ARHGAP8: variants seen among roughly 807,000 people sequenced by gnomAD.
The protein encoded by ARHGAP8 is rho GTPase-activating protein 8.
Under a neutral mutation model 46.1 loss-of-function variants are expected in ARHGAP8, and 62 were observed. The ratio of observed to expected loss-of-function variants is 1.34; its 90% CI spans 1.10 to 1.66. ARHGAP8 has a LOEUF of 1.66. ARHGAP8 is among the 40% of genes most tolerant of loss of function. ARHGAP8 has a pLI of 0.00. For missense variants in ARHGAP8, 923 were observed against 568.4 expected (o/e 1.62, Z -6.34); for synonymous variants, 375 against 243.1 (o/e 1.54, Z -5.05).
At chr22:44,858,551 TA>T (rs1387650150) in intron 10 of ARHGAP8, among the ~76,000 whole-genome samples, 1,929 of 117,952 alleles carry the variant, frequency 0.016, 64 homozygotes, top group South Asian at 0.041. Context: ...TTTTTTTTTT[TA>T]AGTAACAGGG....
At chr22:44,805,563 C>T (rs1928866393) in intron 3 of ARHGAP8, among the ~76,000 whole-genome samples, 1 of 147,312 alleles carries the variant, frequency 6.8e-6, no homozygotes, top group Admixed American at 6.8e-5. Context: ...AAGTAGTAAG[C>T]ATGGCTTCCA....
At chr22:44,859,960 C>G in intron 11 of ARHGAP8, 126 bp downstream of exon 11, 1 of 1,117,870 alleles carries the variant, frequency 8.9e-7, no homozygotes, top group Non-Finnish European at 1.3e-6. Flanking sequence ...CTCGGAATAC[C>G]ACTCCCTGCC....
intron 7 of ARHGAP8, among the ~76,000 whole-genome samples, chr22:44,835,557 G>T (rs977234413): frequency 4.6e-5 from 7 of 152,154 alleles, no homozygotes; most frequent in Admixed American, 3.9e-4. Context: ...GGAGGCGGAG[G>T]TTGCAGTGAG....
At chr22:44,832,456 C>T (rs1931013639) in intron 7 of ARHGAP8, among the ~76,000 whole-genome samples, 1 of 151,974 alleles carries the variant, frequency 6.6e-6, no homozygotes, top group African/African-American at 2.4e-5. Flanking sequence ...AAACTCCTGA[C>T]CTCTGGTGAT....
chr22:44,859,465 G>C (rs1461632118), intron 10 of ARHGAP8, among the ~76,000 whole-genome samples: 1 of 152,156 alleles, frequency 6.6e-6, no homozygotes, highest in African/African-American at 2.4e-5. Flanking sequence ...AACAGGTGCT[G>C]GTGCCATGCT....
chr22:44,859,554 C>G (rs1220664818), intron 10 of ARHGAP8, 177 bp from the exon 11 acceptor site: 1 of 634,496 alleles, frequency 1.6e-6, no homozygotes, highest in Non-Finnish European at 2.8e-6. Context: ...TAGCCAAACA[C>G]ACAGGTTTGC....
chr22:44,814,664 C>T lies in ARHGAP8; in HGVS notation c.300-8C>T. On this transcript the variant is annotated splice_region_variant and splice_polypyrimidine_tract_variant and intron_variant, in intron 4 of 11. Coordinates refer to ENST00000356099, the MANE Select transcript of ARHGAP8 (RefSeq NM_181335.3). Reference sequence around the variant, plus strand: ...CAGCCTGAAGTCATCCCCCGTTTCCCTCCTCAGGTACAAGAAGAACTTGAA... The same window carrying T: ...CAGCCTGAAGTCATCCCCCGTTTCCTTCCTCAGGTACAAGAAGAACTTGAA... 6.2e-7 allele frequency: 1 copy of T among 1,612,978 alleles called. No individual in the cohort carries two copies. The highest frequency in any genetic ancestry group is 2.2e-5 in the East Asian group (1 of 44,870).
intron 1 of ARHGAP8, among the ~76,000 whole-genome samples, chr22:44,772,356 T>TTTC (rs1475550719): frequency 1.4e-5 from 2 of 145,666 alleles, no homozygotes; most frequent in African/African-American, 5.0e-5. Flanking sequence ...TTTTTTCTTT[T>TTTC]TTTTTTTTTT....
chr22:44,758,179 G>A (rs1022582483), intron 1 of ARHGAP8, among the ~76,000 whole-genome samples: 29 of 152,162 alleles, frequency 1.9e-4, no homozygotes, highest in Non-Finnish European at 4.0e-4. Context: ...GGCCGGGCAC[G>A]GTGGCTCACA....
chr22:44,836,296 G>A (rs1931282838), intron 7 of ARHGAP8, among the ~76,000 whole-genome samples: 1 of 151,634 alleles, frequency 6.6e-6, no homozygotes, highest in Admixed American at 6.6e-5. Flanking sequence ...AAACTCCTGG[G>A]GCCAACTAAT....
At chr22:44,768,840 CT>C (rs780509950) in intron 1 of ARHGAP8, among the ~76,000 whole-genome samples, 266 of 137,522 alleles carry the variant, frequency 1.9e-3, no homozygotes, top group Middle Eastern at 7.6e-3. Context: ...GTGTGTTTTT[CT>C]TTTTTTTTTT....
Position 44,862,573 on chromosome 22 carries a change from T to C in ARHGAP8, c.1280T>C (p.Met427Thr). Reference sequence around the variant, plus strand: ...CCTACCCTACCTCCGAGTCCCCTGATGGCAGCCAGAAGACGTCTCTAGTGT... The same window carrying C: ...CCTACCCTACCTCCGAGTCCCCTGACGGCAGCCAGAAGACGTCTCTAGTGT... ...TKPTLPPSPL[M>T]AARRRL Residue 427 changes from methionine (M) to threonine (T), a missense_variant, in exon 12 of 12, where the codon ATG becomes ACG. By Grantham distance (81) the Met-to-Thr change is moderately conservative. Coordinates refer to ENST00000356099, the MANE Select transcript of ARHGAP8 (RefSeq NM_181335.3). 3.1e-6 allele frequency: 5 copies of C among 1,590,908 alleles called. No homozygotes were observed. Among genetic ancestry groups the C allele is most frequent in the Non-Finnish European group, 3.4e-6 (4 of 1,163,386 alleles).
At chr22:44,784,768 GC>G (rs1365897355) in intron 1 of ARHGAP8, among the ~76,000 whole-genome samples, 1 of 152,212 alleles carries the variant, frequency 6.6e-6, no homozygotes, top group African/African-American at 2.4e-5. Flanking sequence ...TCACTGGGAG[GC>G]CTCTGTTCTG....
chr22:44,775,622 GTAT>G (rs1321759909), intron 1 of ARHGAP8, among the ~76,000 whole-genome samples: 3 of 151,910 alleles, frequency 2.0e-5, no homozygotes, highest in African/African-American at 4.8e-5. Context: ...TAATTTTTTT[GTAT>G]TATTAGTAGA....
intron 10 of ARHGAP8, among the ~76,000 whole-genome samples, chr22:44,858,910 TTTGTGGGCC>T (rs1268315524): frequency 2.6e-5 from 4 of 151,606 alleles, no homozygotes; most frequent in African/African-American, 9.7e-5. Flanking sequence ...TATGTTAGGC[TTTGTGGGCC>T]TTGTAGTCTC....
At chr22:44,767,095 T>G (rs191681202) in intron 1 of ARHGAP8, among the ~76,000 whole-genome samples, 1 of 152,190 alleles carries the variant, frequency 6.6e-6, no homozygotes, top group South Asian at 2.1e-4. Flanking sequence ...CTTGAATAAG[T>G]GTCTGCCCTT....
intron 7 of ARHGAP8, among the ~76,000 whole-genome samples, chr22:44,833,123 G>A (rs1278764472): frequency 9.4e-5 from 6 of 63,922 alleles, no homozygotes; most frequent in African/African-American, 1.9e-4. Context: ...TTGAGATAGA[G>A]TCTCCCTCTG....
intron 1 of ARHGAP8, among the ~76,000 whole-genome samples, chr22:44,782,958 G>A (rs1022215147): frequency 2.0e-5 from 3 of 152,102 alleles, no homozygotes; most frequent in African/African-American, 7.2e-5. Flanking sequence ...CAGTGATGGG[G>A]GTGTCCACGT....
In ARHGAP8 at chr22:44,848,917, G is replaced by C. The variant is rs768813151; in HGVS notation, c.749-15G>C. The C allele has an allele frequency of 1.2e-6, 2 of 1,613,884 alleles. No homozygotes were observed. Among genetic ancestry groups the C allele is most frequent in the African/African-American group, 2.7e-5 (2 of 74,926 alleles). On this transcript the variant is annotated splice_polypyrimidine_tract_variant and intron_variant, in intron 9 of 11. Coordinates refer to ENST00000356099, the MANE Select transcript of ARHGAP8 (RefSeq NM_181335.3). ...CCGGGGTGCAGACCTCAGCAGTGCT[G>C]TGTTGTGTGTGCAGGGAAGCCCGTG...
Sources: gnomAD v4.1 joint callset for allele counts (sites outside exome capture counted in the v4.1 genomes callset) on GRCh38, gnomAD v4.1.1 for gene constraint, MANE v1.5 for transcripts, NCBI Gene and HGNC (gene_info 2026-07-23, HGNC 2026-07-21) for gene names.